The following FHIP1A variants were observed in gnomAD, a reference collection of about 807,000 sequenced individuals.
The protein encoded by FHIP1A is FHF complex subunit HOOK-interacting protein 1A.
FHIP1A carries 61 observed loss-of-function variants against 88.6 expected under a neutral mutation model. The ratio of observed to expected loss-of-function variants is 0.69; its 90% CI spans 0.56 to 0.85. The LOEUF (loss-of-function observed/expected upper bound fraction) is 0.85, where lower values mean the gene tolerates loss of function less well. FHIP1A is among the 40% of genes least tolerant of loss of function. The pLI is 0.00. For synonymous variants in FHIP1A, 478 were observed against 496.0 expected, an observed-to-expected ratio of 0.96 and a Z score of 0.48; for missense variants, 1,154 against 1,273.5, an observed-to-expected ratio of 0.91 and a Z score of 1.43.
chr4:151,659,795 G>A (rs187173313), intron 13 of FHIP1A, among the ~76,000 whole-genome samples: 41 of 152,262 alleles, frequency 2.7e-4, no homozygotes, highest in African/African-American at 9.1e-4. Flanking sequence ...GATGAAAAAC[G>A]AGCCTCCTCA....
At chr4:151,457,719 C>G (rs1036301881) in intron 2 of FHIP1A, among the ~76,000 whole-genome samples, 2 of 152,036 alleles carry the variant, frequency 1.3e-5, no homozygotes, top group African/African-American at 4.8e-5. Flanking sequence ...GATTTAACTC[C>G]CCTTCCGCCC....
At chr4:151,618,771 T>A (rs1307054523) in intron 7 of FHIP1A, among the ~76,000 whole-genome samples, 1 of 152,262 alleles carries the variant, frequency 6.6e-6, no homozygotes, top group Non-Finnish European at 1.5e-5. Flanking sequence ...CACTTGCCCA[T>A]GGTCACCAGA....
chr4:151,453,312 G>A (rs557145891), intron 1 of FHIP1A, among the ~76,000 whole-genome samples: 5 of 152,172 alleles, frequency 3.3e-5, no homozygotes, highest in South Asian at 2.1e-4. Flanking sequence ...CACTGCACCT[G>A]GCCCATAGTT....
At chr4:151,547,483 T>G (rs1316417887) in intron 3 of FHIP1A, among the ~76,000 whole-genome samples, 2 of 152,176 alleles carry the variant, frequency 1.3e-5, no homozygotes, top group African/African-American at 4.8e-5. Flanking sequence ...ATTGACACCT[T>G]AGAGAGTTTT....
chr4:151,581,106 G>T (rs1259153342), intron 5 of FHIP1A, among the ~76,000 whole-genome samples: 1 of 152,106 alleles, frequency 6.6e-6, no homozygotes, highest in African/African-American at 2.4e-5. Flanking sequence ...TGATCTGCCC[G>T]CCCAGCCTCC....
At chr4:151,549,489 TAAAAAA>T (rs57072592) in intron 3 of FHIP1A, among the ~76,000 whole-genome samples, 1 of 112,718 alleles carries the variant, frequency 8.9e-6, no homozygotes. Context: ...AGACTCTGTC[TAAAAAA>T]AAAAAAAAAA....
At chr4:151,640,938 A>G (rs1736564640) in intron 9 of FHIP1A, among the ~76,000 whole-genome samples, 1 of 152,198 alleles carries the variant, frequency 6.6e-6, no homozygotes, top group African/African-American at 2.4e-5. Context: ...AGATCAGCTC[A>G]TGGTTGAAAT....
Position 151,668,863 on chromosome 4 carries a change from GC to G in FHIP1A, c.*6111del, listed in dbSNP as rs2126945115. On this transcript the variant is annotated 3_prime_UTR_variant, in exon 14 of 14. Transcript: ENST00000435205. The stretch of plus-strand genomic sequence containing the variant: ...GACCAGGCAGAGCTGGTTCAAGCCA[GC>G]CTGGGGCAGAGCCAGTTTTCCAGCA... Among the ~76,000 whole-genome samples, 1 of 112,192 alleles carries G rather than the reference GC, an allele frequency of 8.9e-6. No homozygotes were observed. The highest frequency in any genetic ancestry group is 2.2e-4 in the South Asian group (1 of 4,496). The allele number at this position is 112,192 out of a possible 152,430, so 73.6% of individuals were successfully genotyped here.
intron 2 of FHIP1A, among the ~76,000 whole-genome samples, chr4:151,460,739 A>G (rs1729118157): frequency 6.6e-6 from 1 of 152,216 alleles, no homozygotes; most frequent in Admixed American, 6.6e-5. Flanking sequence ...TTCCAAAATC[A>G]GCTGAAGAAT....
intron 4 of FHIP1A, among the ~76,000 whole-genome samples, chr4:151,573,309 T>TACACACACACAC (rs1423585406): frequency 2.0e-5 from 3 of 150,422 alleles, no homozygotes; most frequent in African/African-American, 7.5e-5. Context: ...CACACACACA[T>TACACACACACAC]GTCTGCGTTT....
chr4:151,550,058 T>C (rs952568983), intron 3 of FHIP1A, among the ~76,000 whole-genome samples: 5 of 152,190 alleles, frequency 3.3e-5, no homozygotes, highest in African/African-American at 9.7e-5. Flanking sequence ...AGGTTGTTGG[T>C]ATTTATTTGT....
chr4:151,669,859 TG>T lies in FHIP1A; in HGVS notation c.*7109del, dbSNP rs1173465372. On this transcript the variant is annotated 3_prime_UTR_variant, in exon 14 of 14. Transcript: ENST00000435205. Reference sequence around the variant, plus strand: ...ACCTTTCTCTGCCTACCTTTTGGGCTGGGGAAGAGGGGCACCTTTCTCATCA... The same window carrying T: ...ACCTTTCTCTGCCTACCTTTTGGGCTGGGAAGAGGGGCACCTTTCTCATCA... The T allele has an allele frequency of 6.6e-6, 1 of 152,156 alleles. No individual in the cohort carries two copies. The highest frequency in any genetic ancestry group is 1.9e-4 in the East Asian group (1 of 5,190). 9.4% of individuals were successfully genotyped at this position (152,156 alleles called of 1,614,324 possible).
chr4:151,616,974 C>T (rs1415279699), intron 7 of FHIP1A, among the ~76,000 whole-genome samples: 2 of 151,844 alleles, frequency 1.3e-5, no homozygotes, highest in Non-Finnish European at 2.9e-5. Context: ...CCTTGAACTC[C>T]TGACCTCAAG....
intron 3 of FHIP1A, among the ~76,000 whole-genome samples, chr4:151,548,849 C>T (rs1732609862): frequency 6.6e-6 from 1 of 152,212 alleles, no homozygotes; most frequent in Admixed American, 6.5e-5. Context: ...TTCCCCGGTG[C>T]TGTAAAGAAA....
At chr4:151,640,358 CA>C (rs1348261492) in intron 9 of FHIP1A, among the ~76,000 whole-genome samples, 1 of 152,176 alleles carries the variant, frequency 6.6e-6, no homozygotes, top group African/African-American at 2.4e-5. Context: ...GAACTTTTTA[CA>C]GTTTTAGATT....
intron 1 of FHIP1A, among the ~76,000 whole-genome samples, chr4:151,451,777 G>A (rs529574130): frequency 3.3e-5 from 5 of 150,880 alleles, no homozygotes; most frequent in Non-Finnish European, 7.4e-5. Context: ...TTTTTCAGTT[G>A]CATGTGTTTT....
intron 4 of FHIP1A, among the ~76,000 whole-genome samples, chr4:151,569,423 G>A (rs1162216707): frequency 1.3e-5 from 2 of 151,738 alleles, no homozygotes; most frequent in Non-Finnish European, 2.9e-5. Context: ...ATGGTGGCGG[G>A]TGCCTGTAAT....
chr4:151,446,579 T>A (rs1332270290), intron 1 of FHIP1A, among the ~76,000 whole-genome samples: 1 of 123,338 alleles, frequency 8.1e-6, no homozygotes, highest in Admixed American at 8.2e-5. Context: ...GTTGTTCTTT[T>A]TCTTTTTTTT....
chr4:151,458,656 T>G (rs1228867101), intron 2 of FHIP1A, among the ~76,000 whole-genome samples: 7 of 152,144 alleles, frequency 4.6e-5, no homozygotes, highest in Non-Finnish European at 1.0e-4. Context: ...TAACTGTGTA[T>G]TTGGGAATAT....
Sources: gnomAD v4.1 joint callset for allele counts (sites outside exome capture counted in the v4.1 genomes callset) on GRCh38, gnomAD v4.1.1 for gene constraint, MANE v1.5 for transcripts, NCBI Gene and HGNC (gene_info 2026-07-23, HGNC 2026-07-21) for gene names.